Variants in RAB10 observed in about 807,000 individuals in gnomAD.
The protein encoded by RAB10 is RAB10, member RAS oncogene family.
A neutral mutation model predicts 25.7 loss-of-function variants in RAB10; 5 were observed. The ratio of observed to expected loss-of-function variants is 0.19; its 90% confidence interval spans 0.10 to 0.41. The LOEUF (loss-of-function observed/expected upper bound fraction) is 0.41, where lower values mean the gene tolerates loss of function less well. Among genes scored for constraint, RAB10 ranks in the 10% least tolerant of loss-of-function variants. The probability of loss-of-function intolerance (pLI) is 1.00; values close to 1 mark genes in which losing one functional copy is unlikely to be tolerated. For missense variants in RAB10, 103 were observed against 245.8 expected (o/e 0.42, Z 3.89); for synonymous variants, 89 against 86.4 (o/e 1.03, Z -0.16).
At chr2:26,061,552 T>A (rs1553724948) in intron 1 of RAB10, among the ~76,000 whole-genome samples, 4 of 151,858 alleles carry the variant, frequency 2.6e-5, no homozygotes, top group Non-Finnish European at 5.9e-5. Context: ...CCTGACTAAT[T>A]AAAAAAAATT....
In RAB10 at chr2:26,136,622, G is replaced by A. The variant is rs1668118512; in HGVS notation, c.*1601G>A. On this transcript the variant is annotated 3_prime_UTR_variant, in exon 6 of 6. Coordinates refer to ENST00000264710, the MANE Select transcript of RAB10 (RefSeq NM_016131.5). ...TCCTAAGATGATACCTTTGTTGAAAGAATTGTGAATAGCATGATTCATTTC... is the reference window on the plus strand; with the variant it reads ...TCCTAAGATGATACCTTTGTTGAAAAAATTGTGAATAGCATGATTCATTTC... The A allele has an allele frequency of 6.6e-6, 1 of 152,614 alleles. No individual in the cohort carries two copies. The highest frequency in any genetic ancestry group is 1.5e-5 in the Non-Finnish European group (1 of 68,034). The allele number at this position is 152,614 out of a possible 1,614,324, so 9.5% of individuals were successfully genotyped here.
chr2:26,097,665 A>T (rs1667252331), intron 1 of RAB10, among the ~76,000 whole-genome samples: 1 of 152,130 alleles, frequency 6.6e-6, no homozygotes, highest in Non-Finnish European at 1.5e-5. Context: ...TGAAAATGGT[A>T]TGTATTCTGT....
intron 1 of RAB10, among the ~76,000 whole-genome samples, chr2:26,049,555 C>T (rs761416534): frequency 3.3e-5 from 5 of 151,726 alleles, no homozygotes; most frequent in African/African-American, 7.3e-5. Context: ...ATTACAGGCA[C>T]GCACCACCAC....
intron 3 of RAB10, 144 bp downstream of exon 3, chr2:26,110,050 A>G: frequency 9.7e-7 from 1 of 1,035,104 alleles, no homozygotes; most frequent in Non-Finnish European, 1.3e-6. Context: ...CTAAAAGTTA[A>G]TGTTGGCCGG....
chr2:26,079,353 A>T (rs985593374), intron 1 of RAB10, among the ~76,000 whole-genome samples: 1 of 150,128 alleles, frequency 6.7e-6, no homozygotes, highest in African/African-American at 2.5e-5. Flanking sequence ...ACACACACAC[A>T]CTATATACAC....
intron 1 of RAB10, among the ~76,000 whole-genome samples, chr2:26,037,845 G>A (rs1665796965): frequency 6.6e-6 from 1 of 152,002 alleles, no homozygotes; most frequent in South Asian, 2.1e-4. Flanking sequence ...TGAACATCCT[G>A]CACACCGTGG....
At chr2:26,038,241 G>T (rs1259894563) in intron 1 of RAB10, among the ~76,000 whole-genome samples, 5 of 150,010 alleles carry the variant, frequency 3.3e-5, no homozygotes, top group African/African-American at 1.2e-4. Context: ...TTGTTGCTCA[G>T]GCTGGAGTGT....
chr2:26,047,965 A>G (rs563800088), intron 1 of RAB10, among the ~76,000 whole-genome samples: 1 of 147,248 alleles, frequency 6.8e-6, no homozygotes, highest in Admixed American at 6.8e-5. Context: ...ACCTCAGGTG[A>G]TCTGCCGGCC....
intron 1 of RAB10, among the ~76,000 whole-genome samples, chr2:26,064,403 A>G (rs1436123564): frequency 6.6e-6 from 1 of 151,210 alleles, no homozygotes; most frequent in East Asian, 2.0e-4. Flanking sequence ...GCTCATTGCA[A>G]CCTCCACTTC....
At chr2:26,097,520 C>G (rs773637132) in intron 1 of RAB10, among the ~76,000 whole-genome samples, 1 of 152,126 alleles carries the variant, frequency 6.6e-6, no homozygotes, top group Non-Finnish European at 1.5e-5. Context: ...TCAGGTGATC[C>G]GCCTGCCTTG....
rs200179233 is a variant in RAB10, at chr2:26,080,447, AT to A, written c.128-18206del. Among the ~76,000 whole-genome samples, 324 of 151,676 alleles carry A rather than the reference AT, an allele frequency of 2.1e-3. 1 individual carries two copies. Among genetic ancestry groups the A allele is most frequent in the African/African-American group, 7.7e-3 (317 of 41,376 alleles). Reference sequence around the variant, plus strand: ...TAGTCTGAAAGGATCTTCTCCAATAATTTTTTTTTGTCGTGATACATTCCTG... The same window carrying A: ...TAGTCTGAAAGGATCTTCTCCAATAATTTTTTTTGTCGTGATACATTCCTG... On this transcript the variant is annotated intron_variant, in intron 1 of 5. Coordinates refer to ENST00000264710, the MANE Select transcript of RAB10 (RefSeq NM_016131.5).
chr2:26,062,621 T>C (rs1666425592), intron 1 of RAB10, among the ~76,000 whole-genome samples: 1 of 151,758 alleles, frequency 6.6e-6, no homozygotes, highest in South Asian at 2.1e-4. Context: ...GGGGTTGCAG[T>C]GAGCCGAGAT....
chr2:26,039,503 C>T (rs1386512667), intron 1 of RAB10, among the ~76,000 whole-genome samples: 2 of 150,468 alleles, frequency 1.3e-5, no homozygotes, highest in African/African-American at 2.4e-5. Flanking sequence ...CCCACTACCA[C>T]GCCCAGCTAA....
intron 1 of RAB10, among the ~76,000 whole-genome samples, chr2:26,070,807 C>T (rs556798241): frequency 6.6e-6 from 1 of 152,280 alleles, no homozygotes; most frequent in South Asian, 2.1e-4. Context: ...CATGTAAATT[C>T]TCACCAAATG....
At chr2:26,068,549 A>AT (rs201336528) in intron 1 of RAB10, among the ~76,000 whole-genome samples, 2,360 of 150,436 alleles carry the variant, frequency 0.016, 29 homozygotes, top group Non-Finnish European at 0.025. Flanking sequence ...TGAGCCTTTA[A>AT]TTTTTTTTTT....
chr2:26,081,287 A>G (rs907243680), intron 1 of RAB10, among the ~76,000 whole-genome samples: 4 of 152,190 alleles, frequency 2.6e-5, no homozygotes, highest in African/African-American at 9.7e-5. Flanking sequence ...GGAGTAATAG[A>G]TCTGTTCATA....
intron 1 of RAB10, among the ~76,000 whole-genome samples, chr2:26,053,092 G>A (rs1007051770): frequency 3.9e-5 from 6 of 152,178 alleles, no homozygotes; most frequent in Admixed American, 1.3e-4. Context: ...TTGGAGAGAA[G>A]GGGTTAGAAA....
Position 26,135,038 on chromosome 2 carries a change from T to A in RAB10, c.*17T>A. 1 of 1,594,956 alleles carries A rather than the reference T, an allele frequency of 6.3e-7. No individual in the cohort carries two copies. The highest frequency in any genetic ancestry group is 1.1e-5 in the South Asian group (1 of 89,966). ...TGCTGCTGAGCATTCTCCTGTTCCA[T>A]CAGTTGCCATCCACTACCCCGTTTT... On this transcript the variant is annotated 3_prime_UTR_variant, in exon 6 of 6. Coordinates refer to ENST00000264710, the MANE Select transcript of RAB10 (RefSeq NM_016131.5).
intron 1 of RAB10, among the ~76,000 whole-genome samples, chr2:26,036,394 C>T (rs1047493527): frequency 6.6e-6 from 1 of 152,202 alleles, no homozygotes; most frequent in African/African-American, 2.4e-5. Flanking sequence ...GGCGCGGTGG[C>T]TCATGCCTGT....
Sources: allele counts gnomAD v4.1 joint callset (sites outside exome capture counted in the v4.1 genomes callset), GRCh38; gene constraint gnomAD v4.1.1; transcripts MANE v1.5; gene names NCBI Gene and HGNC (gene_info 2026-07-23, HGNC 2026-07-21).